Variants in PCDH15 observed in about 807,000 individuals in gnomAD.
The protein encoded by PCDH15 is protocadherin related 15, also known as protocadherin-15.
A neutral mutation model predicts 178.5 loss-of-function variants in PCDH15; 129 were observed. The observed-to-expected ratio is 0.72, with a 90% CI of 0.63 to 0.84. The LOEUF is 0.84. PCDH15 is among the 40% of genes least tolerant of loss of function. PCDH15 has a pLI of 0.00. For synonymous variants in PCDH15, 800 were observed against 732.0 expected (o/e 1.09, Z -1.50); for missense variants, 2,230 against 2,099.9 (o/e 1.06, Z -1.21).
At chr10:55,042,536 A>T (rs1840889857) in intron 2 of PCDH15, among the ~76,000 whole-genome samples, 1 of 152,136 alleles carries the variant, frequency 6.6e-6, no homozygotes, top group African/African-American at 2.4e-5. Context: ...AAAGCAAGAG[A>T]CATTATTTAT....
intron 2 of PCDH15, among the ~76,000 whole-genome samples, chr10:55,540,053 T>C (rs1327507071): frequency 6.6e-6 from 1 of 152,106 alleles, no homozygotes; most frequent in African/African-American, 2.4e-5. Context: ...CAATATCGTT[T>C]ATTTTTTTAA....
chr10:54,851,854 G>A (rs541364183), intron 3 of PCDH15, among the ~76,000 whole-genome samples: 3 of 152,078 alleles, frequency 2.0e-5, no homozygotes, highest in Admixed American at 1.3e-4. Context: ...ACAAGTGTGA[G>A]CCACCACGAC....
intron 28 of PCDH15, among the ~76,000 whole-genome samples, chr10:53,842,067 G>C (rs191746516): frequency 1.3e-5 from 2 of 151,732 alleles, no homozygotes; most frequent in Non-Finnish European, 2.9e-5. Context: ...AGAGATTTAT[G>C]CTCATTTAAC....
intron 2 of PCDH15, among the ~76,000 whole-genome samples, chr10:55,121,948 T>G (rs1427516176): frequency 6.6e-6 from 1 of 152,104 alleles, no homozygotes; most frequent in Non-Finnish European, 1.5e-5. Context: ...CAGTCCAAGG[T>G]ATTTTGTTAT....
intron 18 of PCDH15, among the ~76,000 whole-genome samples, chr10:54,034,953 T>C (rs2093382078): frequency 6.6e-6 from 1 of 151,864 alleles, no homozygotes; most frequent in Non-Finnish European, 1.5e-5. Context: ...TTTTTCTTTC[T>C]GGTAAAGGTA....
At chr10:54,282,069 A>G (rs2058734627) in intron 8 of PCDH15, among the ~76,000 whole-genome samples, 1 of 152,094 alleles carries the variant, frequency 6.6e-6, no homozygotes, top group African/African-American at 2.4e-5. Context: ...ACTGTTGCTA[A>G]GTCCAGGCTT....
intron 3 of PCDH15, among the ~76,000 whole-genome samples, chr10:54,395,558 A>T (rs1951100291): frequency 6.6e-6 from 1 of 151,938 alleles, no homozygotes; most frequent in South Asian, 2.1e-4. Flanking sequence ...TATAATTATA[A>T]TACGCAAAAA....
At chr10:55,442,470 T>TATA (rs5785132) in intron 2 of PCDH15, among the ~76,000 whole-genome samples, 1 of 124,698 alleles carries the variant, frequency 8.0e-6, no homozygotes, top group East Asian at 2.7e-4. Flanking sequence ...TATATATATA[T>TATA]TATATATATA....
At chr10:54,718,435 T>C (rs1307244884) in intron 1 of PCDH15, among the ~76,000 whole-genome samples, 2 of 152,020 alleles carry the variant, frequency 1.3e-5, no homozygotes, top group Admixed American at 6.6e-5. Flanking sequence ...AAAGCCATCA[T>C]ACAAAGGCTA....
chr10:54,603,972 GTTTTC>G (rs910810895), intron 2 of PCDH15, among the ~76,000 whole-genome samples: 27 of 152,012 alleles, frequency 1.8e-4, no homozygotes, highest in African/African-American at 5.5e-4. Flanking sequence ...CTGTTGGTAT[GTTTTC>G]TTTTCATTTT....
At chr10:54,969,024 T>C (rs1838865500) in intron 2 of PCDH15, among the ~76,000 whole-genome samples, 1 of 152,128 alleles carries the variant, frequency 6.6e-6, no homozygotes, top group African/African-American at 2.4e-5. Flanking sequence ...TGTAATAACA[T>C]TTTATTGTCC....
At chr10:54,774,873 G>A (rs1167098888) in intron 1 of PCDH15, among the ~76,000 whole-genome samples, 1 of 151,806 alleles carries the variant, frequency 6.6e-6, no homozygotes, top group African/African-American at 2.4e-5. Flanking sequence ...TTTATTAAAT[G>A]TCCTCCTGCC....
intron 9 of PCDH15, among the ~76,000 whole-genome samples, chr10:54,225,168 T>G (rs939261051): frequency 2.2e-4 from 33 of 152,116 alleles, no homozygotes; most frequent in African/African-American, 7.2e-4. Flanking sequence ...GACCGAGTTC[T>G]TGTCCCAGAT....
At chr10:54,835,593 C>T (rs2133755772) in intron 3 of PCDH15, among the ~76,000 whole-genome samples, 2 of 152,254 alleles carry the variant, frequency 1.3e-5, no homozygotes, top group Admixed American at 6.5e-5. Flanking sequence ...TGGAAACCAA[C>T]ATGCACATTC....
intron 2 of PCDH15, among the ~76,000 whole-genome samples, chr10:54,538,028 G>A (rs1443924038): frequency 6.6e-6 from 1 of 152,112 alleles, no homozygotes; most frequent in East Asian, 1.9e-4. Context: ...CTTTGCGGGT[G>A]CATAGTTTGA....
At chr10:54,274,937 G>A (rs1561671) in intron 8 of PCDH15, among the ~76,000 whole-genome samples, 75,234 of 151,656 alleles carry the variant, frequency 0.5, 19,594 homozygotes, top group Middle Eastern at 0.61. Context: ...TTTAAAATAA[G>A]GAACAAGACA....
intron 8 of PCDH15, among the ~76,000 whole-genome samples, chr10:54,244,581 T>C (rs1379863516): frequency 6.6e-6 from 1 of 152,236 alleles, no homozygotes; most frequent in African/African-American, 2.4e-5. Context: ...GTTTTCCACA[T>C]AACTCAAACC....
Position 54,766,827 on chromosome 10 carries a change from G to C in PCDH15, c.-29+34098C>G, listed in dbSNP as rs527984398. 9.2e-5 allele frequency among the ~76,000 whole-genome samples: 14 copies of C among 152,138 alleles called. No homozygotes were observed. The East Asian group carries it at 1.7e-3, about 19-fold the overall frequency. On this transcript the variant is annotated intron_variant, in intron 1 of 37. Coordinates refer to ENST00000644397, the MANE Select transcript of PCDH15 (RefSeq NM_001384140.1). ...GCCTGTAAGTCCCAGCTACTCCAGA[G>C]GCTGAGGCAGGAGAATGACGTGAAC...
chr10:54,057,610 G>T (rs1590163789), intron 18 of PCDH15, among the ~76,000 whole-genome samples: 1 of 152,128 alleles, frequency 6.6e-6, no homozygotes, highest in African/African-American at 2.4e-5. Context: ...AGGCCTCTGG[G>T]CCTGTGATTG....
Sources: gnomAD v4.1 joint callset for allele counts (sites outside exome capture counted in the v4.1 genomes callset) on GRCh38, gnomAD v4.1.1 for gene constraint, MANE v1.5 for transcripts, NCBI Gene and HGNC (gene_info 2026-07-23, HGNC 2026-07-21) for gene names.